The following MTSS2 variants were observed in gnomAD, a reference collection of about 807,000 sequenced individuals.
The protein encoded by MTSS2 is protein MTSS 2.
In MTSS2, 27 loss-of-function variants were observed where a neutral mutation model predicts 67.1. That is an observed-to-expected ratio of 0.40 (90% CI 0.30 to 0.55). The LOEUF (loss-of-function observed/expected upper bound fraction) is 0.55. Among genes scored for constraint, MTSS2 ranks in the 20% least tolerant of loss-of-function variants. The pLI is 0.43. For missense variants in MTSS2, 1,171 were observed against 1,067.8 expected, an observed-to-expected ratio of 1.10 and a Z score of -1.35; for synonymous variants, 624 against 468.6, an observed-to-expected ratio of 1.33 and a Z score of -4.28.
At chr16:70,668,224 C>T (rs1383894189) in intron 11 of MTSS2, among the ~76,000 whole-genome samples, 1 of 151,758 alleles carries the variant, frequency 6.6e-6, no homozygotes, top group African/African-American at 2.4e-5. Context: ...ACCAGCCTGG[C>T]CAACATGACA....
At position 70,676,926 on chromosome 16, in the gene MTSS2, G is replaced by A; in HGVS notation, c.785C>T (p.Pro262Leu). Residue 262 changes from proline to leucine, a missense_variant, in exon 10 of 15, where the codon CCC becomes CTC. Coordinates refer to ENST00000338779, the MANE Select transcript of MTSS2 (RefSeq NM_138383.3). ...GGAGCTGGAGCTGCTGGGTGATGAG[G>A]GTGGGGTCTGGTAGGACCAGCTGTA... ...SDYSWSYQTPPSSPSSSSSRK... is the reference protein window; with the variant it reads ...SDYSWSYQTPLSSPSSSSSRK... The A allele has an allele frequency of 1.2e-6, 2 of 1,613,926 alleles. No individual in the cohort carries two copies. Among genetic ancestry groups the A allele is most frequent in the Non-Finnish European group, 8.5e-7 (1 of 1,179,988 alleles).
At chr16:70,684,926 T>C (rs1054520822) in intron 1 of MTSS2, among the ~76,000 whole-genome samples, 1 of 152,174 alleles carries the variant, frequency 6.6e-6, no homozygotes, top group Non-Finnish European at 1.5e-5. Context: ...CTTAGTGACC[T>C]TGAGCCATTT....
At chr16:70,674,628 G>T in intron 10 of MTSS2, 100 bp from the exon 11 acceptor site, 1 of 936,946 alleles carries the variant, frequency 1.1e-6, no homozygotes. Context: ...AGAGGTGAGG[G>T]GCAAAGGAAG....
chr16:70,668,391 G>A (rs914484421), intron 11 of MTSS2, among the ~76,000 whole-genome samples: 1 of 148,450 alleles, frequency 6.7e-6, no homozygotes, highest in Non-Finnish European at 1.5e-5. Context: ...CTGGGGGACA[G>A]AGTGAGACTG....
At chr16:70,677,357 C>T (rs1453507113) in intron 9 of MTSS2, among the ~76,000 whole-genome samples, 2 of 152,062 alleles carry the variant, frequency 1.3e-5, no homozygotes, top group African/African-American at 2.4e-5. Context: ...GCCTCTGGAG[C>T]GTGCTGCCCG....
intron 4 of MTSS2, 39 bp downstream of exon 4, chr16:70,679,932 G>GGCCCCCCCCCCCCCCCCCCCC: frequency 1.4e-6 from 1 of 709,074 alleles, no homozygotes; most frequent in Non-Finnish European, 2.2e-6. Context: ...GCGACGCCCC[G>GGCCCCCCCCCCCCCCCCCCCC]TCCCCCCGCC....
intron 7 of MTSS2, 34 bp from the exon 8 acceptor site, chr16:70,678,443 A>T (rs1188703879): frequency 3.2e-6 from 5 of 1,586,144 alleles, no homozygotes; most frequent in Non-Finnish European, 4.3e-6. Context: ...CTTGCTGGGG[A>T]TGCCAGCCTG....
intron 4 of MTSS2, 34 bp downstream of exon 4, chr16:70,679,937 C>G (rs770768645): frequency 1.1e-5 from 17 of 1,501,002 alleles, no homozygotes; most frequent in Non-Finnish European, 1.4e-5. Flanking sequence ...GCCCCGTCCC[C>G]CCGCCCCCCT....
rs183101047 is a variant in MTSS2, at chr16:70,675,045, G to A, written c.831-517C>T. Among the ~76,000 whole-genome samples, 370 of 152,082 alleles carry A rather than the reference G, an allele frequency of 2.4e-3. 10 individuals carry two copies. Among genetic ancestry groups the A allele is most frequent in the Admixed American group, 0.021 (316 of 15,286 alleles). On this transcript the variant is annotated intron_variant, in intron 10 of 14. Transcript: ENST00000338779. ...CGAGAATCACTTGAACCTGGGAGGC[G>A]GAGGTTGCAGTGAGCCAAGATTATG... is the stretch of plus-strand genomic sequence containing the variant.
At position 70,664,438 on chromosome 16, in the gene MTSS2, C is replaced by T. The variant is rs1405101814; in HGVS notation, c.1483G>A (p.Asp495Asn). Residue 495 changes from aspartate (D) to asparagine (N), a missense_variant, in exon 15 of 15, where the codon GAC becomes AAC. Physicochemically the swap from Asp to Asn is conservative, Grantham distance 23 (BLOSUM62 1). Around this residue, in one of 2 missense-constraint regions of MTSS2, gnomAD observed 924 missense variants for 756.0 expected, o/e 1.22. Coordinates refer to ENST00000338779, the MANE Select transcript of MTSS2 (RefSeq NM_138383.3). ...GCATCCCCATTCACGGAGTAGCAGTCGTAGTCGGAGCCTGGGGGCACGGGA... is the reference window on the plus strand; with the variant it reads ...GCATCCCCATTCACGGAGTAGCAGTTGTAGTCGGAGCCTGGGGGCACGGGA... ...DTIPSQGSDYDCYSVNGDADS... is the reference protein window; with the variant it reads ...DTIPSQGSDYNCYSVNGDADS... 14 of 1,537,968 alleles carry T rather than the reference C, an allele frequency of 9.1e-6. No individual in the cohort carries two copies. Among genetic ancestry groups the T allele is most frequent in the African/African-American group, 1.4e-5 (1 of 72,872 alleles).
intron 11 of MTSS2, among the ~76,000 whole-genome samples, chr16:70,673,530 C>T (rs2053011054): frequency 6.6e-6 from 1 of 152,100 alleles, no homozygotes; most frequent in South Asian, 2.1e-4. Flanking sequence ...TGAGAGTTTA[C>T]AACTACAGAT....
chr16:70,679,143 GA>G (rs1050202520), intron 7 of MTSS2, among the ~76,000 whole-genome samples, 171 bp downstream of exon 7: 1 of 152,046 alleles, frequency 6.6e-6, no homozygotes, highest in Non-Finnish European at 1.5e-5. Context: ...CCTGGCCAGG[GA>G]CCCCGGGGGC....
intron 1 of MTSS2, among the ~76,000 whole-genome samples, chr16:70,684,841 T>C (rs536164663): frequency 6.6e-6 from 1 of 152,198 alleles, no homozygotes; most frequent in East Asian, 1.9e-4. Context: ...CTGGCCTCAT[T>C]TGGGGAGAGG....
chr16:70,678,690 CT>C (rs2053200019), intron 7 of MTSS2, among the ~76,000 whole-genome samples: 1 of 152,236 alleles, frequency 6.6e-6, no homozygotes, highest in Non-Finnish European at 1.5e-5. Flanking sequence ...CGCCCAGGAG[CT>C]CTGCCAACAC....
chr16:70,677,828 T>G lies in MTSS2; in HGVS notation c.696A>C (p.Thr232=). The change falls in exon 9 of 15, where the codon ACA becomes ACC. Residue 232 remains threonine (T), a synonymous_variant. Transcript: ENST00000338779. ...QGIIDDLVVL[T]AEPHKLPPAS... ...CGGGAGGCAGTTTGTGGGGTTCTGC[T>G]GTCAGCACCACCAAGTCGTCGATGA... 1 of 1,612,164 alleles carries G rather than the reference T, an allele frequency of 6.2e-7. No individual in the cohort carries two copies. Among genetic ancestry groups the G allele is most frequent in the Non-Finnish European group, 8.5e-7 (1 of 1,179,548 alleles).
rs2052573385 is a variant in MTSS2, at chr16:70,663,614, G to A, written c.*63C>T. 2 of 1,477,638 alleles carry A rather than the reference G, an allele frequency of 1.4e-6. No individual in the cohort carries two copies. Among genetic ancestry groups the A allele is most frequent in the Non-Finnish European group, 1.8e-6 (2 of 1,112,786 alleles). 91.5% of individuals were successfully genotyped at this position (1,477,638 alleles called of 1,614,324 possible). On this transcript the variant is annotated 3_prime_UTR_variant, in exon 15 of 15. Coordinates refer to ENST00000338779, the MANE Select transcript of MTSS2 (RefSeq NM_138383.3). ...GGCTGGGCCTTTGCTCTGAGTGCCT[G>A]CGGCTCACAGACCAGGCCACCTGCT...
Position 70,664,106 on chromosome 16 carries a change from C to G in MTSS2, c.1815G>C (p.Met605Ile). 1 of 1,611,868 alleles carries G rather than the reference C, an allele frequency of 6.2e-7. No individual in the cohort carries two copies. Among genetic ancestry groups the G allele is most frequent in the Non-Finnish European group, 8.5e-7 (1 of 1,179,706 alleles). ...CCTCACTGCCCGCCCGTGTGGGCCC[C>G]ATGTAGCCGGGGGAGTCAGGCACCG... ...TPTVPDSPGYMGPTRAGSEEC... is the reference protein window; with the variant it reads ...TPTVPDSPGYIGPTRAGSEEC... Residue 605 changes from methionine (M) to isoleucine (I), a missense_variant, in exon 15 of 15, where the codon ATG (methionine) becomes ATC (isoleucine). Physicochemically the swap from Met to Ile is conservative, Grantham distance 10 (BLOSUM62 1). Transcript: ENST00000338779.
intron 11 of MTSS2, among the ~76,000 whole-genome samples, chr16:70,671,613 G>T (rs1284925109): frequency 6.6e-6 from 1 of 152,128 alleles, no homozygotes; most frequent in Non-Finnish European, 1.5e-5. Context: ...TAACAAGCAA[G>T]AATCATCAGT....
Position 70,679,635 on chromosome 16 carries a change from C to A in MTSS2, c.452G>T (p.Arg151Leu). The A allele has an allele frequency of 6.2e-7, 1 of 1,603,424 alleles. No homozygotes were observed. Among genetic ancestry groups the A allele is most frequent in the South Asian group, 1.1e-5 (1 of 89,324 alleles). ...SDTLKLQKKA[R>L]KELLGKGDLQ... ...GGGGCCGCGCCAGGCACTACCTTTGCGCGCCTTCTTCTGCAGCTTCAGCGT... is the reference window on the plus strand; with the variant it reads ...GGGGCCGCGCCAGGCACTACCTTTGAGCGCCTTCTTCTGCAGCTTCAGCGT... Residue 151 changes from arginine to leucine, a missense_variant, in exon 6 of 15, where the codon CGC becomes CTC. Transcript: ENST00000338779.
Sources: gnomAD v4.1 joint callset for allele counts (sites outside exome capture counted in the v4.1 genomes callset) on GRCh38, gnomAD v4.1.1 for gene constraint, gnomAD v4.1.1 regional missense constraint, MANE v1.5 for transcripts, NCBI Gene and HGNC (gene_info 2026-07-23, HGNC 2026-07-21) for gene names.